The following RANBP17 variants were observed in gnomAD, a reference collection of about 807,000 sequenced individuals.
The protein encoded by RANBP17 is RAN binding protein 17.
Under a neutral mutation model 141.2 loss-of-function variants are expected in RANBP17, and 158 were observed. The observed-to-expected ratio is 1.12, with a 90% confidence interval of 0.98 to 1.28. RANBP17 has a LOEUF of 1.28. Ranked by LOEUF, RANBP17 falls within the 50% of genes most tolerant of loss-of-function variation. RANBP17 has a pLI of 0.00. For missense variants in RANBP17, 1,438 were observed against 1,290.7 expected (o/e 1.11, Z -1.75); for synonymous variants, 430 against 450.0 (o/e 0.96, Z 0.56).
At chr5:170,885,275 T>G (rs189004618) in intron 3 of RANBP17, among the ~76,000 whole-genome samples, 1 of 152,350 alleles carries the variant, frequency 6.6e-6, no homozygotes, top group African/African-American at 2.4e-5. Context: ...GAAGATAATC[T>G]TCTCTGACTA....
intron 12 of RANBP17, among the ~76,000 whole-genome samples, chr5:170,939,156 A>G (rs1230564778): frequency 1.3e-5 from 2 of 152,182 alleles, no homozygotes; most frequent in African/African-American, 4.8e-5. Context: ...CCAGGCTGTT[A>G]TTGTATATCA....
intron 12 of RANBP17, among the ~76,000 whole-genome samples, chr5:170,943,332 GTATTA>G (rs1421777651): frequency 1.3e-5 from 2 of 151,980 alleles, no homozygotes; most frequent in African/African-American, 2.4e-5. Context: ...GATCTCATTT[GTATTA>G]TATTGTCTCG....
chr5:171,188,321 A>G (rs1222501215), intron 18 of RANBP17, among the ~76,000 whole-genome samples: 3 of 152,234 alleles, frequency 2.0e-5, no homozygotes, highest in Non-Finnish European at 2.9e-5. Flanking sequence ...TTCGTACTGC[A>G]TCCTGGCCTA....
chr5:171,193,740 T>C (rs1181246732), intron 18 of RANBP17, among the ~76,000 whole-genome samples: 1 of 152,158 alleles, frequency 6.6e-6, no homozygotes, highest in Non-Finnish European at 1.5e-5. Flanking sequence ...GCTGCCATCT[T>C]TGTGGTTCTT....
At chr5:170,894,955 G>C (rs10044718) in intron 4 of RANBP17, among the ~76,000 whole-genome samples, 102,479 of 152,032 alleles carry the variant, frequency 0.67, 34,788 homozygotes, top group South Asian at 0.9. Context: ...TGTCATGGAC[G>C]AGTAACAAAC....
rs1779116949 is a variant in RANBP17 at position 171,000,363 on chromosome 5, A to G, written c.1710+31986A>G. Among the ~76,000 whole-genome samples, 3 of 152,236 alleles carry G rather than the reference A, an allele frequency of 2.0e-5. No homozygotes were observed. In the South Asian group the frequency reaches 6.2e-4, roughly 32 times the overall value. On this transcript the variant is annotated intron_variant, in intron 14 of 27. Transcript: ENST00000523189. ...TCCACCAGCATTGCACAAGGATTCG[A>G]GTTTCTCCACATCCTCACCAACACT...
chr5:171,104,794 T>C (rs1327480540), intron 14 of RANBP17, among the ~76,000 whole-genome samples: 1 of 152,222 alleles, frequency 6.6e-6, no homozygotes, highest in Non-Finnish European at 1.5e-5. Flanking sequence ...TATGCTTAGC[T>C]CAATAACTCG....
rs117192776 is a variant in RANBP17, at chr5:171,212,211, A to T, written c.2232-1420A>T. On this transcript the variant is annotated intron_variant, in intron 20 of 27. Coordinates refer to ENST00000523189, the MANE Select transcript of RANBP17 (RefSeq NM_022897.5). Reference sequence around the variant, plus strand: ...TCAAATAGAAATTAGCAGGAAGATGATAGGGTCTCTGCTCTTTAGAAATGC... The same window carrying T: ...TCAAATAGAAATTAGCAGGAAGATGTTAGGGTCTCTGCTCTTTAGAAATGC... Among the ~76,000 whole-genome samples, 56 of 152,306 alleles carry T rather than the reference A, an allele frequency of 3.7e-4. No individual in the cohort carries two copies. The East Asian group carries it at 9.7e-3, about 26-fold the overall frequency.
At chr5:171,027,490 C>T (rs991609020) in intron 14 of RANBP17, among the ~76,000 whole-genome samples, 7 of 151,992 alleles carry the variant, frequency 4.6e-5, no homozygotes, top group Middle Eastern at 6.8e-3. Context: ...TAGCTTTTTT[C>T]TGAAATTTTT....
intron 16 of RANBP17, among the ~76,000 whole-genome samples, chr5:171,172,480 A>G (rs17566820): frequency 0.028 from 4,287 of 151,494 alleles, 92 homozygotes; most frequent in Non-Finnish European, 0.043. Context: ...CCCAATTCCA[A>G]TGGTCATTTG....
At chr5:170,893,860 A>G (rs912043198) in intron 4 of RANBP17, among the ~76,000 whole-genome samples, 2 of 152,096 alleles carry the variant, frequency 1.3e-5, no homozygotes, top group Non-Finnish European at 1.5e-5. Context: ...GTTTTGATTA[A>G]TAGATGGTTC....
chr5:170,968,104 A>C, intron 13 of RANBP17, 138 bp from the exon 14 acceptor site: 1 of 604,660 alleles, frequency 1.7e-6, no homozygotes, highest in Non-Finnish European at 2.6e-6. Flanking sequence ...ATGATTCAAA[A>C]AATATTTTCT....
chr5:171,240,991 G>T lies in RANBP17; in HGVS notation c.2486G>T (p.Gly829Val). 3 of 1,613,934 alleles carry T rather than the reference G, an allele frequency of 1.9e-6. No homozygotes were observed. The highest frequency in any genetic ancestry group is 2.2e-5 in the East Asian group (1 of 44,878). ...CAGATTTATCCAATGAAACTCAAGG[G>T]CATCTCCATCTGCTATTCAGCTCTC... The part of the protein sequence containing the change: ...KDQIYPMKLK[G>V]ISICYSALKS... Residue 829 changes from glycine to valine, a missense_variant, in exon 23 of 28, where the codon GGC becomes GTC. Coordinates refer to ENST00000523189, the MANE Select transcript of RANBP17 (RefSeq NM_022897.5).
chr5:171,130,044 A>G (rs1008209103), intron 14 of RANBP17, among the ~76,000 whole-genome samples: 2 of 152,228 alleles, frequency 1.3e-5, no homozygotes, highest in African/African-American at 4.8e-5. Flanking sequence ...AAAATCAATC[A>G]TGGTCTGTGG....
chr5:171,121,055 TGGTGGC>T (rs1396669169), intron 14 of RANBP17, among the ~76,000 whole-genome samples: 5 of 152,238 alleles, frequency 3.3e-5, no homozygotes, highest in African/African-American at 1.2e-4. Context: ...AGAGACTTTA[TGGTGGC>T]GGTGGTCCAG....
intron 27 of RANBP17, 122 bp downstream of exon 27, chr5:171,296,136 C>A: frequency 1.0e-6 from 1 of 968,988 alleles, no homozygotes; most frequent in Non-Finnish European, 1.5e-6. Context: ...ACCTTGTGAT[C>A]CTAGACTCAG....
At chr5:171,053,894 T>C (rs1783145825) in intron 14 of RANBP17, among the ~76,000 whole-genome samples, 7 of 127,510 alleles carry the variant, frequency 5.5e-5, no homozygotes, top group African/African-American at 1.9e-4. Context: ...TATATATATA[T>C]ATATATATAT....
intron 20 of RANBP17, among the ~76,000 whole-genome samples, chr5:171,209,952 G>A (rs1177721309): frequency 1.3e-5 from 2 of 151,858 alleles, no homozygotes; most frequent in African/African-American, 2.4e-5. Flanking sequence ...ATGGACGGAC[G>A]GACAGACGGA....
At chr5:171,180,787 C>T (rs1381663736) in intron 16 of RANBP17, among the ~76,000 whole-genome samples, 1 of 152,108 alleles carries the variant, frequency 6.6e-6, no homozygotes, top group Non-Finnish European at 1.5e-5. Context: ...TGAGGCTGGC[C>T]TTGGTACAAA....
Sources: gnomAD v4.1 joint callset for allele counts (sites outside exome capture counted in the v4.1 genomes callset) on GRCh38, gnomAD v4.1.1 for gene constraint, MANE v1.5 for transcripts, NCBI Gene and HGNC (gene_info 2026-07-23, HGNC 2026-07-21) for gene names.